Variants in LINGO1 observed in about 807,000 individuals in gnomAD.
The protein encoded by LINGO1 is leucine-rich repeat and immunoglobulin-like domain-containing nogo receptor-interacting protein 1.
A neutral mutation model predicts 37.3 loss-of-function variants in LINGO1; 11 were observed. The ratio of observed to expected loss-of-function variants is 0.29; its 90% CI spans 0.19 to 0.49. LINGO1 has a LOEUF of 0.49. LINGO1 is among the 20% of genes least tolerant of loss of function. LINGO1 has a pLI of 0.99. For missense variants in LINGO1, 585 were observed against 878.2 expected (o/e 0.67, Z 4.22); for synonymous variants, 387 against 403.0 (o/e 0.96, Z 0.48).
At position 77,745,791 on chromosome 15, in the gene LINGO1, C is replaced by A. The variant is rs2076308421; in HGVS notation, c.-256-10738G>T. On this transcript the variant is annotated intron_variant, in intron 1 of 3. Transcript: ENST00000561686. The stretch of plus-strand genomic sequence containing the variant: ...ATGAAGTGGCTTATCCAGGGTCGGG[C>A]AAACTTTGCCATATTCCGCATGCCT... Among the ~76,000 whole-genome samples, 3 of 152,220 alleles carry A rather than the reference C, an allele frequency of 2.0e-5. No homozygotes were observed. The South Asian group carries it at 6.2e-4, about 32-fold the overall frequency.
At chr15:77,762,150 G>A (rs773858755) in intron 1 of LINGO1, among the ~76,000 whole-genome samples, 3 of 152,228 alleles carry the variant, frequency 2.0e-5, no homozygotes, top group Non-Finnish European at 2.9e-5. Flanking sequence ...GAGAGGCAGA[G>A]GCAGCATTAA....
At chr15:77,743,230 A>G (rs1049770119) in intron 1 of LINGO1, among the ~76,000 whole-genome samples, 8 of 151,724 alleles carry the variant, frequency 5.3e-5, no homozygotes, top group African/African-American at 1.9e-4. Flanking sequence ...CCCTCCATCC[A>G]CCTATGCCCA....
chr15:77,709,177 G>A (rs1350298284), intron 2 of LINGO1, among the ~76,000 whole-genome samples: 1 of 152,112 alleles, frequency 6.6e-6, no homozygotes, highest in African/African-American at 2.4e-5. Context: ...AATTTGTTAC[G>A]GGAGCTCTAA....
chr15:77,722,801 C>T (rs1596156462), intron 2 of LINGO1, among the ~76,000 whole-genome samples: 1 of 152,272 alleles, frequency 6.6e-6, no homozygotes, highest in Non-Finnish European at 1.5e-5. Flanking sequence ...TGCTGGTTGA[C>T]AGAGCATGGA....
chr15:77,698,822 G>A (rs936825181), upstream of LINGO1, among the ~76,000 whole-genome samples: 2 of 152,186 alleles, frequency 1.3e-5, no homozygotes, highest in East Asian at 1.9e-4. Context: ...CAGGAGGATC[G>A]GGAGCAGGGC....
At chr15:77,739,406 C>A (rs967926307) in intron 1 of LINGO1, among the ~76,000 whole-genome samples, 18 of 152,128 alleles carry the variant, frequency 1.2e-4, no homozygotes, top group Non-Finnish European at 5.9e-5. Flanking sequence ...GGACAAAAAA[C>A]CAACCCCTTG....
chr15:77,624,295 T>C (rs868058094), intron 1 of LINGO1, among the ~76,000 whole-genome samples: 1 of 151,750 alleles, frequency 6.6e-6, no homozygotes, highest in African/African-American at 2.4e-5. Context: ...GGCCCCCAGC[T>C]CCATCACTCA....
chr15:77,794,571 CAT>C (rs1180875809), intron 2 of LINGO1, among the ~76,000 whole-genome samples: 926 of 43,302 alleles, frequency 0.021, 27 homozygotes, highest in African/African-American at 0.064. Flanking sequence ...TACACACACA[CAT>C]ATATATATAT....
chr15:77,638,492 G>A (rs962684592), upstream of LINGO1, among the ~76,000 whole-genome samples: 2 of 152,236 alleles, frequency 1.3e-5, no homozygotes, highest in Admixed American at 1.3e-4. Flanking sequence ...CTCCTCCTGA[G>A]AGCCTGGCTC....
chr15:77,759,383 C>T (rs924174716), intron 1 of LINGO1, among the ~76,000 whole-genome samples: 17 of 152,330 alleles, frequency 1.1e-4, no homozygotes, highest in African/African-American at 3.6e-4. Flanking sequence ...GGGCCCGCAA[C>T]GCCTGCTAAC....
At chr15:77,711,826 G>A (rs537439550) in intron 2 of LINGO1, among the ~76,000 whole-genome samples, 9 of 152,268 alleles carry the variant, frequency 5.9e-5, no homozygotes, top group African/African-American at 1.9e-4. Context: ...ACGCTTCAGC[G>A]GAGCTTGTTC....
At chr15:77,740,970 T>C (rs1209747710) in intron 1 of LINGO1, among the ~76,000 whole-genome samples, 1 of 152,124 alleles carries the variant, frequency 6.6e-6, no homozygotes, top group African/African-American at 2.4e-5. Flanking sequence ...CACATGTCCA[T>C]CTCCTGGGGC....
At chr15:77,780,052 A>G (rs2076700593) in intron 1 of LINGO1, among the ~76,000 whole-genome samples, 1 of 152,216 alleles carries the variant, frequency 6.6e-6, no homozygotes. Flanking sequence ...GGCTGGGGAC[A>G]GCCATGCTAA....
Position 77,718,732 on chromosome 15 carries a change from C to T in LINGO1, c.-195+16260G>A, listed in dbSNP as rs550475591. Among the ~76,000 whole-genome samples, 9 of 150,814 alleles carry T rather than the reference C, an allele frequency of 6.0e-5. 1 individual carries two copies. In the South Asian group the frequency reaches 8.5e-4, roughly 14 times the overall value. On this transcript the variant is annotated intron_variant, in intron 2 of 3. Transcript: ENST00000561686. ...TGCGTGGCCTTGGTCACCATCATAACCCCCTGGGGTCAGGATGCCTGGGCT... is the reference window on the plus strand; with the variant it reads ...TGCGTGGCCTTGGTCACCATCATAATCCCCTGGGGTCAGGATGCCTGGGCT...
chr15:77,682,475 C>T (rs1038027788), intron 2 of LINGO1, among the ~76,000 whole-genome samples: 1 of 151,956 alleles, frequency 6.6e-6, no homozygotes, highest in Non-Finnish European at 1.5e-5. Flanking sequence ...CCAAGGTGAC[C>T]ACTCATGTGC....
At chr15:77,742,201 G>A (rs1049315337) in intron 1 of LINGO1, among the ~76,000 whole-genome samples, 4 of 152,240 alleles carry the variant, frequency 2.6e-5, no homozygotes, top group African/African-American at 7.2e-5. Flanking sequence ...TCGGGGACAC[G>A]TGTGGAGGAG....
intron 1 of LINGO1, among the ~76,000 whole-genome samples, chr15:77,753,845 C>T: frequency 1.3e-5 from 2 of 152,244 alleles, no homozygotes; most frequent in East Asian, 3.9e-4. Flanking sequence ...AAGTGCCCTC[C>T]TGGGCATTGC....
At chr15:77,638,382 A>T (rs1266965549), upstream of LINGO1, among the ~76,000 whole-genome samples, 2 of 151,874 alleles carry the variant, frequency 1.3e-5, no homozygotes, top group Non-Finnish European at 2.9e-5. Context: ...GCACTCCTTT[A>T]AAAAAAATTA....
chr15:77,699,774 T>TGCATACAGTAAGCACATACTAACCATCA (rs2075757887), upstream of LINGO1, among the ~76,000 whole-genome samples: 1 of 9,074 alleles, frequency 1.1e-4, no homozygotes, highest in Non-Finnish European at 2.6e-4. Flanking sequence ...CTAACCATCA[T>TGCATACAGTAAGCACATACTAACCATCA]TCCCCCCCTC....
Sources: allele counts gnomAD v4.1 joint callset (sites outside exome capture counted in the v4.1 genomes callset), GRCh38; gene constraint gnomAD v4.1.1; transcripts MANE v1.5; gene names NCBI Gene and HGNC (gene_info 2026-07-23, HGNC 2026-07-21).